Variants in PDIA6 observed in about 807,000 individuals in gnomAD.
PDIA6 encodes the protein protein disulfide isomerase family A member 6, also known as protein disulfide-isomerase A6.
In PDIA6, 29 loss-of-function variants were observed where a neutral mutation model predicts 58.4. The ratio of observed to expected loss-of-function variants is 0.50; its 90% CI spans 0.37 to 0.68. The LOEUF (loss-of-function observed/expected upper bound fraction) is 0.68. Among genes scored for constraint, PDIA6 ranks in the 30% least tolerant of loss-of-function variants. The pLI is 0.00. For synonymous variants in PDIA6, 192 were observed against 202.6 expected (o/e 0.95, Z 0.44); for missense variants, 480 against 551.0 (o/e 0.87, Z 1.29).
At chr2:10,796,856 T>C (rs1030084366) in intron 4 of PDIA6, among the ~76,000 whole-genome samples, 5 of 152,228 alleles carry the variant, frequency 3.3e-5, no homozygotes, top group African/African-American at 1.2e-4. Flanking sequence ...TCATTGCCAA[T>C]GTAGCATAGA....
rs114270282 is a variant in PDIA6 at position 10,785,448 on chromosome 2, C to T, written c.1158-418G>A. ...CTGGTTCCAGTGCGCTGGCAGAGAG[C>T]GGGGTGCGTATGTGCATAAACATCA... On this transcript the variant is annotated intron_variant, in intron 11 of 12. Transcript: ENST00000272227. Among the ~76,000 whole-genome samples the T allele has an allele frequency of 7.4e-3, 1,131 of 152,188 alleles. 13 individuals carry two copies. Among genetic ancestry groups the T allele is most frequent in the African/African-American group, 0.025 (1,049 of 41,514 alleles).
In PDIA6 at chr2:10,793,185, C is replaced by T. The variant is rs769092512; in HGVS notation, c.364G>A (p.Ala122Thr). ...GCACTCAGCGCAGCATCTACAATGGCTTCACCAGTTCTGCCACCTACAGGA... is the reference window on the plus strand; with the variant it reads ...GCACTCAGCGCAGCATCTACAATGGTTTCACCAGTTCTGCCACCTACAGGA... ...EDYQGGRTGEAIVDAALSALR... is the reference protein window; with the variant it reads ...EDYQGGRTGETIVDAALSALR... The change falls in exon 5 of 13, where the codon GCC (alanine) becomes ACC (threonine). Residue 122 changes from alanine to threonine, a missense_variant. Physicochemically the swap from Ala to Thr is moderately conservative, Grantham distance 58. Coordinates refer to ENST00000272227, the MANE Select transcript of PDIA6 (RefSeq NM_005742.4). 6.2e-7 allele frequency: 1 copy of T among 1,613,674 alleles called. No homozygotes were observed. Among genetic ancestry groups the T allele is most frequent in the Admixed American group, 1.7e-5 (1 of 59,918 alleles).
chr2:10,799,119 C>T (rs538497565), intron 2 of PDIA6, among the ~76,000 whole-genome samples: 4 of 152,288 alleles, frequency 2.6e-5, no homozygotes, highest in African/African-American at 9.6e-5. Flanking sequence ...AAATACAACA[C>T]AGAAAAGCGC....
At chr2:10,808,307 A>G (rs1666845943) in intron 1 of PDIA6, among the ~76,000 whole-genome samples, 1 of 152,196 alleles carries the variant, frequency 6.6e-6, no homozygotes, top group Non-Finnish European at 1.5e-5. Context: ...AAGACTTAAA[A>G]CCATCTACTG....
chr2:10,804,226 C>G (rs972276758), intron 1 of PDIA6, among the ~76,000 whole-genome samples: 7 of 149,234 alleles, frequency 4.7e-5, no homozygotes, highest in Admixed American at 2.0e-4. Flanking sequence ...TAGTTTTTGA[C>G]AAAAAAGTTT....
At chr2:10,821,002 C>T (rs368419445) in intron 1 of PDIA6, 8 of 597,524 alleles carry the variant, frequency 1.3e-5, no homozygotes, top group East Asian at 2.9e-5. Flanking sequence ...GGGCCCAGGA[C>T]GAAGGGGAGG....
At chr2:10,824,990 TA>T (rs1360670425) in intron 1 of PDIA6, among the ~76,000 whole-genome samples, 1 of 152,168 alleles carries the variant, frequency 6.6e-6, no homozygotes, top group Non-Finnish European at 1.5e-5. Flanking sequence ...GACCCACCCT[TA>T]ATCTGGGTGG....
intron 1 of PDIA6, among the ~76,000 whole-genome samples, chr2:10,806,900 C>T (rs925025161): frequency 6.6e-6 from 1 of 152,070 alleles, no homozygotes; most frequent in African/African-American, 2.4e-5. Context: ...ATAAGCTATA[C>T]CATGTAGCCT....
At position 10,790,750 on chromosome 2, in the gene PDIA6, G is replaced by A; in HGVS notation, c.668C>T (p.Thr223Ile). The A allele has an allele frequency of 6.2e-7, 1 of 1,613,944 alleles. No homozygotes were observed. The highest frequency in any genetic ancestry group is 1.1e-5 in the South Asian group (1 of 91,084). ...GKVKLAAVDA[T>I]VNQVLASRYG... ...TCGGGAGGCCAGAACCTGATTGACTGTAGCATCCACAGCTGCCAGTTTCAC... is the reference window on the plus strand; with the variant it reads ...TCGGGAGGCCAGAACCTGATTGACTATAGCATCCACAGCTGCCAGTTTCAC... The change falls in exon 7 of 13, where the codon ACA (threonine) becomes ATA (isoleucine). Residue 223 changes from threonine to isoleucine, a missense_variant. Coordinates refer to ENST00000272227, the MANE Select transcript of PDIA6 (RefSeq NM_005742.4).
chr2:10,823,185 C>T (rs1260915094), intron 1 of PDIA6: 1 of 152,228 alleles, frequency 6.6e-6, no homozygotes, highest in East Asian at 1.9e-4. Flanking sequence ...AGGGACAAAT[C>T]CCAAGGGTGC....
At chr2:10,833,355 C>T (rs944612193), upstream of PDIA6, among the ~76,000 whole-genome samples, 12 of 152,320 alleles carry the variant, frequency 7.9e-5, no homozygotes, top group Admixed American at 2.0e-4. Flanking sequence ...TGGAATTTCC[C>T]GATCAGCAGG....
At chr2:10,819,256 G>A in intron 2 of PDIA6, 1 of 1,452,440 alleles carries the variant, frequency 6.9e-7, no homozygotes, top group Non-Finnish European at 9.5e-7. Context: ...TCCTACTCTG[G>A]GAGTTTCCTC....
At chr2:10,834,802 T>C (rs1667795216), upstream of PDIA6, among the ~76,000 whole-genome samples, 1 of 146,192 alleles carries the variant, frequency 6.8e-6, no homozygotes, top group Non-Finnish European at 1.5e-5. Context: ...GAGTCTGCTC[T>C]GTTGCCCAGG....
chr2:10,788,065 C>CAAAAAAAAAAA (rs565180851), intron 10 of PDIA6, among the ~76,000 whole-genome samples: 9 of 102,174 alleles, frequency 8.8e-5, no homozygotes, highest in African/African-American at 3.1e-4. Flanking sequence ...GACTCTGTCT[C>CAAAAAAAAAAA]AAAAAAAAAA....
intron 2 of PDIA6, among the ~76,000 whole-genome samples, chr2:10,802,146 G>A (rs1666536064): frequency 1.3e-5 from 2 of 152,206 alleles, no homozygotes; most frequent in Non-Finnish European, 2.9e-5. Flanking sequence ...AGCATTGAAT[G>A]TAAGGTAAGA....
At chr2:10,810,405 T>C in intron 1 of PDIA6, 1 of 1,459,046 alleles carries the variant, frequency 6.9e-7, no homozygotes, top group South Asian at 1.5e-5. Flanking sequence ...CTCCTCTTCA[T>C]GCTGTTACAA....
upstream of PDIA6, among the ~76,000 whole-genome samples, chr2:10,815,953 C>T (rs1037058994): frequency 1.3e-5 from 2 of 152,150 alleles, no homozygotes; most frequent in Admixed American, 6.5e-5. Flanking sequence ...TAAACAGAAC[C>T]TCTGTACCCA....
chr2:10,788,079 AAG>A (rs1491057546), intron 10 of PDIA6, among the ~76,000 whole-genome samples: 1 of 151,820 alleles, frequency 6.6e-6, no homozygotes, highest in Admixed American at 6.6e-5. Context: ...AAAAAAAAAA[AAG>A]GATAAAATAG....
chr2:10,790,701 C>G lies in PDIA6; in HGVS notation c.699+18G>C, dbSNP rs775285271. 22 of 1,537,068 alleles carry G rather than the reference C, an allele frequency of 1.4e-5. No individual in the cohort carries two copies. The highest frequency in any genetic ancestry group is 1.9e-5 in the Non-Finnish European group (21 of 1,109,910). ...ACCATGTATTTCACAATGAAATGAG[C>G]CTTATAAGTATACTCACCCCGTATC... On this transcript the variant is annotated intron_variant, in intron 7 of 12. Coordinates refer to ENST00000272227, the MANE Select transcript of PDIA6 (RefSeq NM_005742.4).
Sources: allele counts gnomAD v4.1 joint callset (sites outside exome capture counted in the v4.1 genomes callset), GRCh38; gene constraint gnomAD v4.1.1; transcripts MANE v1.5; gene names NCBI Gene and HGNC (gene_info 2026-07-23, HGNC 2026-07-21).